The following IFRD1 variants were observed in gnomAD, a reference collection of about 807,000 sequenced individuals.
IFRD1 encodes the protein interferon-related developmental regulator 1.
A neutral mutation model predicts 52.9 loss-of-function variants in IFRD1; 35 were observed. The observed-to-expected ratio is 0.66, with a 90% CI of 0.51 to 0.88. The LOEUF is 0.88. IFRD1 is among the 40% of genes least tolerant of loss of function. IFRD1 has a pLI of 0.00. For synonymous variants in IFRD1, 184 were observed against 188.4 expected, an observed-to-expected ratio of 0.98 and a Z score of 0.19; for missense variants, 517 against 550.8, an observed-to-expected ratio of 0.94 and a Z score of 0.61.
upstream of IFRD1, among the ~76,000 whole-genome samples, chr7:112,447,919 T>C (rs1003639788): frequency 6.6e-5 from 10 of 152,144 alleles, no homozygotes; most frequent in African/African-American, 2.4e-4. Context: ...AAGTAGTTTC[T>C]CCCTTTCCTT....
chr7:112,458,970 A>C lies in IFRD1; in HGVS notation c.519A>C (p.Leu173=), dbSNP rs1795361726. 1 of 1,613,914 alleles carries C rather than the reference A, an allele frequency of 6.2e-7. No homozygotes were observed. Among genetic ancestry groups the C allele is most frequent in the Non-Finnish European group, 8.5e-7 (1 of 1,179,804 alleles). Residue 173 remains leucine (L), a synonymous_variant, in exon 5 of 12, where the codon CTA becomes CTC. Coordinates refer to ENST00000403825, the MANE Select transcript of IFRD1 (RefSeq NM_001550.4). The part of the protein sequence containing the change: ...EEILKTLGPI[L]KKIICDGSAS... ...TTTTGAAAACTCTTGGACCAATCCT[A>C]AAGAAAATCATTTGTGATGGGTCAG...
At chr7:112,448,272 G>C (rs1162063611), upstream of IFRD1, among the ~76,000 whole-genome samples, 1 of 152,182 alleles carries the variant, frequency 6.6e-6, no homozygotes, top group Non-Finnish European at 1.5e-5. Flanking sequence ...TATATGATGT[G>C]GTGGGCCATG....
At chr7:112,443,931 A>G (rs1286659456) in intron 1 of IFRD1, among the ~76,000 whole-genome samples, 6 of 152,148 alleles carry the variant, frequency 3.9e-5, no homozygotes, top group Non-Finnish European at 8.8e-5. Context: ...AAACAAAAAA[A>G]CAAAACTAGT....
chr7:112,468,213 T>A, intron 9 of IFRD1, 98 bp downstream of exon 9: 1 of 1,322,242 alleles, frequency 7.6e-7, no homozygotes, highest in Non-Finnish European at 1.1e-6. Context: ...GAATTTCACC[T>A]TTGAAAATAA....
intron 1 of IFRD1, among the ~76,000 whole-genome samples, chr7:112,437,702 C>T (rs184835317): frequency 6.6e-6 from 1 of 151,292 alleles, no homozygotes; most frequent in East Asian, 1.9e-4. Flanking sequence ...ATAAGGCAAT[C>T]CATTCTGCAG....
intron 1 of IFRD1, 96 bp downstream of exon 1, chr7:112,450,878 T>G: frequency 3.5e-6 from 3 of 846,656 alleles, no homozygotes; most frequent in Non-Finnish European, 2.0e-6. Flanking sequence ...CTTTCTCTGA[T>G]GTACACATTT....
At chr7:112,444,765 TA>T (rs1794978100) in intron 1 of IFRD1, among the ~76,000 whole-genome samples, 2 of 151,906 alleles carry the variant, frequency 1.3e-5, no homozygotes, top group South Asian at 4.1e-4. Context: ...ACTCTGGACA[TA>T]AAAAAGCAAC....
intron 1 of IFRD1, among the ~76,000 whole-genome samples, chr7:112,444,523 T>G (rs1318500868): frequency 1.3e-5 from 2 of 152,120 alleles, no homozygotes; most frequent in Non-Finnish European, 2.9e-5. Flanking sequence ...CAAGTGATAA[T>G]CCATGTAAAA....
At chr7:112,474,438 G>A (rs936885224) in intron 11 of IFRD1, among the ~76,000 whole-genome samples, 1 of 152,126 alleles carries the variant, frequency 6.6e-6, no homozygotes, top group African/African-American at 2.4e-5. Context: ...AGCCATTCTG[G>A]TGGGTGTGAA....
intron 8 of IFRD1, among the ~76,000 whole-genome samples, chr7:112,463,828 A>G (rs999129881): frequency 7.4e-5 from 8 of 108,428 alleles, no homozygotes; most frequent in Non-Finnish European, 1.3e-4. Flanking sequence ...ATGTATATAC[A>G]TATACATATA....
At chr7:112,455,698 C>T in intron 1 of IFRD1, 65 bp from the exon 2 acceptor site, 1 of 1,079,216 alleles carries the variant, frequency 9.3e-7, no homozygotes, top group Non-Finnish European at 1.4e-6. Flanking sequence ...CTTAAAAATT[C>T]CAAAGTTAAA....
intron 1 of IFRD1, among the ~76,000 whole-genome samples, chr7:112,453,673 G>C (rs1032390383): frequency 6.6e-6 from 1 of 152,178 alleles, no homozygotes; most frequent in Non-Finnish European, 1.5e-5. Flanking sequence ...TCCAGAAATA[G>C]AGTGTGATGT....
chr7:112,442,255 C>G (rs1236868916), intron 1 of IFRD1, among the ~76,000 whole-genome samples: 1 of 152,198 alleles, frequency 6.6e-6, no homozygotes, highest in Non-Finnish European at 1.5e-5. Flanking sequence ...GTAAATTTCT[C>G]CTGTTAACCA....
At chr7:112,435,791 C>G (rs764396194) in intron 1 of IFRD1, among the ~76,000 whole-genome samples, 1 of 151,884 alleles carries the variant, frequency 6.6e-6, no homozygotes, top group Non-Finnish European at 1.5e-5. Context: ...CTAAAATGAA[C>G]ATTCAACATT....
chr7:112,430,720 C>A (rs192551422), intron 1 of IFRD1, among the ~76,000 whole-genome samples: 15 of 152,294 alleles, frequency 9.8e-5, no homozygotes, highest in Admixed American at 9.8e-4. Context: ...TACTTTTCAT[C>A]CCCTTTCTAT....
At chr7:112,454,749 GTCTTAT>G (rs1460038183) in intron 1 of IFRD1, among the ~76,000 whole-genome samples, 1 of 148,930 alleles carries the variant, frequency 6.7e-6, no homozygotes, top group Non-Finnish European at 1.5e-5. Flanking sequence ...AAATATATTT[GTCTTAT>G]TCTTATGATT....
chr7:112,447,336 G>A (rs1279310397), upstream of IFRD1, among the ~76,000 whole-genome samples: 1 of 152,200 alleles, frequency 6.6e-6, no homozygotes, highest in African/African-American at 2.4e-5. Flanking sequence ...AGCACATAAT[G>A]TCATGTTGGT....
intron 1 of IFRD1, 110 bp from the exon 2 acceptor site, chr7:112,455,651 GTC>G: frequency 4.1e-6 from 3 of 730,984 alleles, no homozygotes; most frequent in South Asian, 3.0e-5. Flanking sequence ...TATAAAATGA[GTC>G]TGTGGTTTTA....
At position 112,450,599 on chromosome 7, in the gene IFRD1, G is replaced by T. The variant is rs556853199; in HGVS notation, c.-90G>T. Reference sequence around the variant, plus strand: ...TTAGCCGAAGACTCGCCTCTCAGCCGCCCGCCGCACAGACGCACGAGTAAA... The same window carrying T: ...TTAGCCGAAGACTCGCCTCTCAGCCTCCCGCCGCACAGACGCACGAGTAAA... On this transcript the variant is annotated 5_prime_UTR_variant, in exon 1 of 12. Transcript: ENST00000403825. 4 of 1,040,928 alleles carry T rather than the reference G, an allele frequency of 3.8e-6. No homozygotes were observed. The highest frequency in any genetic ancestry group is 1.8e-5 in the Admixed American group (1 of 55,732). 64.5% of individuals were successfully genotyped at this position (1,040,928 alleles called of 1,614,324 possible).
Sources: allele counts gnomAD v4.1 joint callset (sites outside exome capture counted in the v4.1 genomes callset), GRCh38; gene constraint gnomAD v4.1.1; transcripts MANE v1.5; gene names NCBI Gene and HGNC (gene_info 2026-07-23, HGNC 2026-07-21).